The following CLVS1 variants were observed in gnomAD, a reference collection of about 807,000 sequenced individuals.
The protein encoded by CLVS1 is clavesin-1.
Under a neutral mutation model 33.1 loss-of-function variants are expected in CLVS1, and 10 were observed. That is an observed-to-expected ratio of 0.30 (90% CI 0.19 to 0.51). The LOEUF is 0.51. Among genes scored for constraint, CLVS1 ranks in the 20% least tolerant of loss-of-function variants. The pLI, the probability that CLVS1 is intolerant of heterozygous loss-of-function variation, is 0.97. For synonymous variants in CLVS1, 163 were observed against 166.1 expected (o/e 0.98, Z 0.14); for missense variants, 343 against 433.4 (o/e 0.79, Z 1.85).
At position 61,299,692 on chromosome 8, in the gene CLVS1, G is replaced by A; in HGVS notation, c.-136G>A. ...TGTTTTTCAGTAAGCAATGGCCTCAGTTTTGCTTCTGTTTTGGATGAACAC... is the reference window on the plus strand; with the variant it reads ...TGTTTTTCAGTAAGCAATGGCCTCAATTTTGCTTCTGTTTTGGATGAACAC... On this transcript the variant is annotated 5_prime_UTR_variant, in exon 2 of 6. Transcript: ENST00000325897. 1.6e-6 allele frequency: 1 copy of A among 620,850 alleles called. No individual in the cohort carries two copies. Among genetic ancestry groups the A allele is most frequent in the East Asian group, 2.7e-5 (1 of 36,598 alleles). The allele number at this position is 620,850 out of a possible 1,614,324, so 38.5% of individuals were successfully genotyped here.
At chr8:60,983,171 G>A in the CLVS1 span, among the ~76,000 whole-genome samples, 1 of 152,092 alleles carries the variant, frequency 6.6e-6, no homozygotes, top group South Asian at 2.1e-4. Context: ...GCTCACACAA[G>A]ACACCTCTCA....
At chr8:60,967,991 T>A in the CLVS1 span, among the ~76,000 whole-genome samples, 1 of 152,094 alleles carries the variant, frequency 6.6e-6, no homozygotes, top group South Asian at 2.1e-4. Context: ...CAGGCTGGAG[T>A]GCAGTGGTGT....
Position 61,425,716 on chromosome 8 carries a change from G to A in CLVS1, c.631-28425G>A, listed in dbSNP as rs1220209762. ...TTAGAATAAGCAGTGGACTTTTCTG[G>A]TGTGGTCATTTATCACTCCTATGCC... On this transcript the variant is annotated intron_variant, in intron 3 of 5. Transcript: ENST00000325897. 2.0e-5 allele frequency among the ~76,000 whole-genome samples: 3 copies of A among 152,088 alleles called. No homozygotes were observed. In the East Asian group the frequency reaches 5.8e-4, roughly 29 times the overall value.
chr8:61,090,202 G>C (rs939792578), intron 1 of CLVS1, among the ~76,000 whole-genome samples: 3 of 152,176 alleles, frequency 2.0e-5, no homozygotes, highest in Non-Finnish European at 4.4e-5. Context: ...GGTAACTTGA[G>C]ATTTAGAGAC....
chr8:61,369,927 G>A (rs996049926), intron 2 of CLVS1, among the ~76,000 whole-genome samples: 6 of 152,180 alleles, frequency 3.9e-5, no homozygotes, highest in African/African-American at 1.4e-4. Context: ...CAGAGGAAAG[G>A]CAAAGCACAC....
the CLVS1 span, among the ~76,000 whole-genome samples, chr8:60,993,025 T>G: frequency 2.0e-5 from 3 of 152,204 alleles, no homozygotes; most frequent in African/African-American, 7.2e-5. Context: ...GCTGGAGCAC[T>G]AAAAAGCTAC....
At chr8:61,191,975 C>T (rs1198477670) in intron 2 of CLVS1, among the ~76,000 whole-genome samples, 1 of 152,122 alleles carries the variant, frequency 6.6e-6, no homozygotes, top group African/African-American at 2.4e-5. Flanking sequence ...AGATTTAATG[C>T]CATCCCCATC....
At chr8:61,477,002 C>T (rs749402801) in intron 5 of CLVS1, among the ~76,000 whole-genome samples, 3 of 151,880 alleles carry the variant, frequency 2.0e-5, no homozygotes, top group Non-Finnish European at 2.9e-5. Context: ...GAGTTTCTAG[C>T]ATGAAGGTTG....
the CLVS1 span, among the ~76,000 whole-genome samples, chr8:60,986,670 C>A: frequency 1.3e-5 from 2 of 152,240 alleles, no homozygotes; most frequent in African/African-American, 4.8e-5. Context: ...TTGTTGTTAA[C>A]ATGGTAAACA....
At chr8:60,984,035 C>T in the CLVS1 span, among the ~76,000 whole-genome samples, 19 of 152,312 alleles carry the variant, frequency 1.2e-4, no homozygotes, top group African/African-American at 4.3e-4. Context: ...GGGTTGGCTG[C>T]AGCCCCAGCC....
At chr8:61,125,060 T>C (rs1805944767) in intron 1 of CLVS1, among the ~76,000 whole-genome samples, 1 of 152,174 alleles carries the variant, frequency 6.6e-6, no homozygotes, top group Non-Finnish European at 1.5e-5. Flanking sequence ...CCTGTCTCTC[T>C]AGTTCACCTC....
chr8:61,431,442 GC>G (rs1461926399), intron 3 of CLVS1, among the ~76,000 whole-genome samples: 3 of 152,136 alleles, frequency 2.0e-5, no homozygotes, highest in Non-Finnish European at 4.4e-5. Flanking sequence ...ATACTGTGCA[GC>G]ACTTACTATG....
chr8:61,090,988 GC>G (rs35220668), intron 1 of CLVS1: 4 of 479,850 alleles, frequency 8.3e-6, no homozygotes, highest in African/African-American at 4.0e-5. Context: ...AATGACCCAT[GC>G]CCCCCCACCA....
chr8:61,500,963 T>A lies in CLVS1; in HGVS notation c.*1421T>A, dbSNP rs551704952. ...ATTACATCATCTCTTTCTCAATGGA[T>A]CTAATGTTTTAATTTTTTCCCCTAT... On this transcript the variant is annotated 3_prime_UTR_variant, in exon 6 of 6. Coordinates refer to ENST00000325897, the MANE Select transcript of CLVS1 (RefSeq NM_173519.3). 1.3e-5 allele frequency: 2 copies of A among 152,192 alleles called. No homozygotes were observed. The highest frequency in any genetic ancestry group is 2.4e-5 in the African/African-American group (1 of 41,440). 9.4% of individuals were successfully genotyped at this position (152,192 alleles called of 1,614,324 possible). A position where few individuals can be genotyped will look rare whatever the true frequency, so the allele number is the denominator to read the frequency against.
chr8:61,292,682 G>C (rs927224332), intron 1 of CLVS1, among the ~76,000 whole-genome samples: 1 of 152,098 alleles, frequency 6.6e-6, no homozygotes, highest in Non-Finnish European at 1.5e-5. Flanking sequence ...AATAGCCTAC[G>C]AAACATTCCA....
intron 2 of CLVS1, among the ~76,000 whole-genome samples, chr8:61,166,031 G>GTTTTTTTTTTTTTTTTTTTTTTT (rs71245557): frequency 9.2e-6 from 1 of 108,372 alleles, no homozygotes; most frequent in Non-Finnish European, 1.9e-5. Context: ...GCATCTAAGC[G>GTTTTTTTTTTTTTTTTTTTTTTT]TTTTTTTTTT....
At chr8:61,013,879 G>A in the CLVS1 span, among the ~76,000 whole-genome samples, 3 of 152,180 alleles carry the variant, frequency 2.0e-5, no homozygotes, top group Non-Finnish European at 4.4e-5. Context: ...CTGTTGTGCT[G>A]CACATCTGAG....
chr8:60,990,689 ATAT>A, the CLVS1 span, among the ~76,000 whole-genome samples: 23 of 151,624 alleles, frequency 1.5e-4, no homozygotes, highest in East Asian at 4.3e-3. Context: ...TTCATCACCT[ATAT>A]TAATTAACAG....
intron 2 of CLVS1, among the ~76,000 whole-genome samples, chr8:61,144,298 G>A (rs568908998): frequency 6.2e-4 from 94 of 152,174 alleles, no homozygotes; most frequent in African/African-American, 2.0e-3. Flanking sequence ...GAGAACATGC[G>A]GTGTTTGGTT....
Sources: allele counts gnomAD v4.1 joint callset (sites outside exome capture counted in the v4.1 genomes callset), GRCh38; gene constraint gnomAD v4.1.1; transcripts MANE v1.5; gene names NCBI Gene and HGNC (gene_info 2026-07-23, HGNC 2026-07-21).